EDIL3: variants seen among roughly 807,000 people sequenced by gnomAD.
The protein encoded by EDIL3 is EGF-like repeat and discoidin I-like domain-containing protein 3.
In EDIL3, 37 loss-of-function variants were observed where a neutral mutation model predicts 67.4. The ratio of observed to expected loss-of-function variants is 0.55; its 90% CI spans 0.42 to 0.72. The LOEUF (loss-of-function observed/expected upper bound fraction) is 0.72. EDIL3 is among the 30% of genes least tolerant of loss of function. The pLI is 0.00. For synonymous variants in EDIL3, 195 were observed against 196.3 expected (o/e 0.99, Z 0.05); for missense variants, 527 against 586.3 (o/e 0.90, Z 1.04).
At chr5:84,326,369 A>G (rs1265328570) in intron 1 of EDIL3, among the ~76,000 whole-genome samples, 1 of 152,096 alleles carries the variant, frequency 6.6e-6, no homozygotes, top group African/African-American at 2.4e-5. Flanking sequence ...AATTATAATT[A>G]CAAGGAGCTG....
intron 10 of EDIL3, among the ~76,000 whole-genome samples, chr5:83,948,470 C>A (rs564002291): frequency 6.6e-6 from 1 of 151,686 alleles, no homozygotes; most frequent in African/African-American, 2.4e-5. Flanking sequence ...AACATTTTTC[C>A]ATTTGAACAG....
intron 9 of EDIL3, among the ~76,000 whole-genome samples, chr5:83,981,448 G>A (rs78238440): frequency 0.023 from 3,472 of 152,066 alleles, 95 homozygotes; most frequent in East Asian, 0.085. Flanking sequence ...TAATAAAACA[G>A]TATATTGTGA....
At chr5:84,273,265 C>A (rs185059094) in intron 1 of EDIL3, among the ~76,000 whole-genome samples, 113 of 152,238 alleles carry the variant, frequency 7.4e-4, no homozygotes, top group Non-Finnish European at 1.4e-3. Flanking sequence ...CTTTAGGGCG[C>A]TAATGGTCCC....
intron 1 of EDIL3, among the ~76,000 whole-genome samples, chr5:84,294,454 A>G (rs1746000195): frequency 6.6e-6 from 1 of 151,678 alleles, no homozygotes; most frequent in African/African-American, 2.4e-5. Context: ...AGTTTCAACT[A>G]GCCAGATATA....
At chr5:84,066,699 A>C in intron 6 of EDIL3, 93 bp from the exon 7 acceptor site, 1 of 1,421,090 alleles carries the variant, frequency 7.0e-7, no homozygotes, top group African/African-American at 1.5e-5. Context: ...TTGTTAATGC[A>C]GATTAATAAT....
At chr5:84,035,661 A>G (rs1001958870) in intron 9 of EDIL3, among the ~76,000 whole-genome samples, 1 of 152,176 alleles carries the variant, frequency 6.6e-6, no homozygotes, top group African/African-American at 2.4e-5. Flanking sequence ...TTTCTCAAAC[A>G]TATTATACTT....
intron 2 of EDIL3, among the ~76,000 whole-genome samples, chr5:84,232,248 A>G (rs1744595444): frequency 6.6e-6 from 1 of 152,154 alleles, no homozygotes; most frequent in Admixed American, 6.5e-5. Flanking sequence ...GGGGGAGAAA[A>G]GAAAGAAAAA....
chr5:84,064,399 T>C (rs1746596917), intron 8 of EDIL3, among the ~76,000 whole-genome samples: 1 of 152,198 alleles, frequency 6.6e-6, no homozygotes, highest in Non-Finnish European at 1.5e-5. Context: ...ACAGTTATTA[T>C]GCAAAACAAT....
intron 2 of EDIL3, among the ~76,000 whole-genome samples, chr5:84,230,491 T>A (rs1230137119): frequency 3.9e-4 from 59 of 151,570 alleles, no homozygotes; most frequent in African/African-American, 1.4e-3. Flanking sequence ...CACTGCAACC[T>A]CCGCCTCCTG....
chr5:84,064,594 A>G, intron 8 of EDIL3, 106 bp downstream of exon 8: 1 of 1,407,556 alleles, frequency 7.1e-7, no homozygotes, highest in Non-Finnish European at 9.4e-7. Flanking sequence ...TTCCCCAGAA[A>G]AAAATTTCTA....
intron 1 of EDIL3, among the ~76,000 whole-genome samples, chr5:84,356,889 CTTTTTTTTTTTTTTT>C (rs1189590387): frequency 6.2e-5 from 2 of 32,086 alleles, no homozygotes; most frequent in South Asian, 1.3e-3. Context: ...ATCTTTCTTT[CTTTTTTTTTTTTTTT>C]TTTTTTTTTT....
intron 3 of EDIL3, among the ~76,000 whole-genome samples, chr5:84,202,113 C>T (rs1156371708): frequency 1.3e-5 from 2 of 152,114 alleles, no homozygotes; most frequent in Admixed American, 1.3e-4. Context: ...TTATAAGTGT[C>T]TATGTGAATT....
rs2112042961 is a variant in EDIL3 at position 84,229,867 on chromosome 5, GTTC to G, written c.211_213del (p.Glu71del). The G allele has an allele frequency of 1.3e-6, 2 of 1,573,482 alleles. No individual in the cohort carries two copies. The highest frequency in any genetic ancestry group is 2.7e-5 in the African/African-American group (2 of 73,866). ...ATAGGAACTTTACCTGCTGAAGTTG[GTTC>G]TTCTTCATCTGATGCTATGATAAGA... On this transcript the variant is annotated inframe_deletion, in exon 3 of 11. Transcript: ENST00000296591.
chr5:83,984,030 C>T (rs1422236272), intron 9 of EDIL3, among the ~76,000 whole-genome samples: 1 of 151,848 alleles, frequency 6.6e-6, no homozygotes, highest in Non-Finnish European at 1.5e-5. Flanking sequence ...TCAGCATTGA[C>T]TTAAGAGGCC....
intron 1 of EDIL3, among the ~76,000 whole-genome samples, chr5:84,266,291 G>C (rs1296992911): frequency 6.6e-6 from 1 of 152,074 alleles, no homozygotes; most frequent in African/African-American, 2.4e-5. Flanking sequence ...CCTCATTTTT[G>C]TGATGATTTG....
chr5:83,975,555 T>C (rs1327483881), intron 9 of EDIL3, among the ~76,000 whole-genome samples: 3 of 151,904 alleles, frequency 2.0e-5, no homozygotes, highest in Non-Finnish European at 4.4e-5. Context: ...TGTTGAACAT[T>C]TTTTACATAA....
At chr5:84,342,607 T>C (rs887996038) in intron 1 of EDIL3, among the ~76,000 whole-genome samples, 7 of 152,108 alleles carry the variant, frequency 4.6e-5, no homozygotes, top group African/African-American at 1.7e-4. Context: ...TTTTTCCTTA[T>C]ACCATCCTTG....
chr5:84,076,053 T>C (rs1196542163), intron 6 of EDIL3, among the ~76,000 whole-genome samples: 1 of 151,092 alleles, frequency 6.6e-6, no homozygotes, highest in Non-Finnish European at 1.5e-5. Context: ...ACAGGTTAAA[T>C]ATTACCATTA....
chr5:84,257,945 G>A (rs1745151146), intron 1 of EDIL3, among the ~76,000 whole-genome samples: 1 of 152,148 alleles, frequency 6.6e-6, no homozygotes. Context: ...TTGGCCCATT[G>A]TAGCCCGGTA....
Sources: gnomAD v4.1 joint callset for allele counts (sites outside exome capture counted in the v4.1 genomes callset) on GRCh38, gnomAD v4.1.1 for gene constraint, MANE v1.5 for transcripts, NCBI Gene and HGNC (gene_info 2026-07-23, HGNC 2026-07-21) for gene names.